The following CPXM2 variants were observed in gnomAD, a reference collection of about 807,000 sequenced individuals.
CPXM2 encodes the protein inactive carboxypeptidase-like protein X2.
A neutral mutation model predicts 86.1 loss-of-function variants in CPXM2; 66 were observed. The ratio of observed to expected loss-of-function variants is 0.77; its 90% CI spans 0.63 to 0.94. CPXM2 has a LOEUF of 0.94. Among genes scored for constraint, CPXM2 ranks in the 40% least tolerant of loss-of-function variants. The probability of loss-of-function intolerance (pLI) is 0.00; values close to 1 mark genes in which losing one functional copy is unlikely to be tolerated. For missense variants in CPXM2, 948 were observed against 1,026.3 expected, an observed-to-expected ratio of 0.92 and a Z score of 1.04; for synonymous variants, 388 against 400.2, an observed-to-expected ratio of 0.97 and a Z score of 0.36.
intron 6 of CPXM2, among the ~76,000 whole-genome samples, chr10:123,785,689 GA>G (rs1374110349): frequency 6.7e-6 from 1 of 148,602 alleles, no homozygotes; most frequent in Non-Finnish European, 1.5e-5. Flanking sequence ...CTGGAGTACA[GA>G]GGCGCGATCT....
chr10:123,758,543 A>T (rs1468947914), intron 11 of CPXM2, among the ~76,000 whole-genome samples: 1 of 152,172 alleles, frequency 6.6e-6, no homozygotes, highest in African/African-American at 2.4e-5. Flanking sequence ...ATATAATGAT[A>T]CCTGCCAAAA....
intron 12 of CPXM2, 31 bp downstream of exon 12, chr10:123,757,182 C>A: frequency 6.2e-7 from 1 of 1,605,982 alleles, no homozygotes; most frequent in Non-Finnish European, 8.5e-7. Flanking sequence ...CAGCTAGTCC[C>A]CCTCATCCCA....
intron 6 of CPXM2, among the ~76,000 whole-genome samples, chr10:123,789,741 C>T (rs1464845223): frequency 6.6e-6 from 1 of 152,172 alleles, no homozygotes; most frequent in Non-Finnish European, 1.5e-5. Flanking sequence ...ATTCCTGATG[C>T]AGTAGCCCCT....
chr10:123,837,376 T>G (rs948267261), intron 4 of CPXM2, among the ~76,000 whole-genome samples: 10 of 152,186 alleles, frequency 6.6e-5, no homozygotes, highest in Admixed American at 2.0e-4. Flanking sequence ...GCTGCCCCAC[T>G]TAAAAGACAA....
intron 10 of CPXM2, among the ~76,000 whole-genome samples, chr10:123,765,490 A>G (rs551128149): frequency 6.6e-6 from 1 of 152,360 alleles, no homozygotes; most frequent in East Asian, 1.9e-4. Flanking sequence ...CCAAATTCCA[A>G]TTTTGGTCTA....
chr10:123,799,110 C>T lies in CPXM2; in HGVS notation c.738+5G>A. On this transcript the variant is annotated splice_donor_5th_base_variant and intron_variant, in intron 5 of 13. Coordinates refer to ENST00000241305, the MANE Select transcript of CPXM2 (RefSeq NM_198148.3). ...AGGCATGGTTAAATGGAGGATGAGA[C>T]TCACCATGTCTCCAGATCCATTCTT... 1 of 1,614,024 alleles carries T rather than the reference C, an allele frequency of 6.2e-7. No homozygotes were observed. Among genetic ancestry groups the T allele is most frequent in the Non-Finnish European group, 8.5e-7 (1 of 1,180,012 alleles).
intron 7 of CPXM2, 99 bp from the exon 8 acceptor site, chr10:123,771,138 GC>G: frequency 8.9e-7 from 1 of 1,118,168 alleles, no homozygotes; most frequent in Non-Finnish European, 1.3e-6. Flanking sequence ...TTCCTCCACA[GC>G]CTCCCAAGCG....
chr10:123,893,188 G>A (rs905042054), upstream of CPXM2, among the ~76,000 whole-genome samples: 10 of 149,308 alleles, frequency 6.7e-5, no homozygotes, highest in African/African-American at 9.9e-5. Flanking sequence ...CATGGAGTGC[G>A]CTACAGGGAC....
At chr10:123,856,736 CG>C (rs35345206) in intron 3 of CPXM2, among the ~76,000 whole-genome samples, 22,448 of 152,036 alleles carry the variant, frequency 0.15, 1,760 homozygotes, top group Middle Eastern at 0.19. Flanking sequence ...GGATTACAGG[CG>C]TGTGCCACCA....
intron 6 of CPXM2, among the ~76,000 whole-genome samples, chr10:123,787,385 A>G (rs549162556): frequency 2.0e-5 from 3 of 151,812 alleles, no homozygotes; most frequent in African/African-American, 7.3e-5. Flanking sequence ...TCACTACATG[A>G]GACTTTTTTT....
intron 4 of CPXM2, among the ~76,000 whole-genome samples, chr10:123,803,627 C>CG (rs1181148759): frequency 6.6e-6 from 1 of 151,892 alleles, no homozygotes; most frequent in Non-Finnish European, 1.5e-5. Context: ...TATAGTGTGA[C>CG]GGGTCAAGAT....
At chr10:123,801,340 A>G (rs954171828) in intron 4 of CPXM2, among the ~76,000 whole-genome samples, 8 of 152,052 alleles carry the variant, frequency 5.3e-5, no homozygotes, top group Non-Finnish European at 1.2e-4. Context: ...CGTGATTGTG[A>G]GGCCTCCCCA....
At chr10:123,759,725 C>T (rs116847477) in intron 11 of CPXM2, among the ~76,000 whole-genome samples, 2,822 of 152,340 alleles carry the variant, frequency 0.019, 39 homozygotes, top group Non-Finnish European at 0.027. Context: ...AAGGCACAGC[C>T]GCATTCCTTA....
At chr10:123,901,429 T>TGTG (rs1945379896) in intron 2 of CPXM2, among the ~76,000 whole-genome samples, 4 of 139,040 alleles carry the variant, frequency 2.9e-5, no homozygotes, top group Admixed American at 7.1e-5. Context: ...CCAAGCAAGT[T>TGTG]TGTGTGTGTG....
chr10:123,747,565 A>C (rs1372078162), intron 13 of CPXM2, among the ~76,000 whole-genome samples: 1 of 152,142 alleles, frequency 6.6e-6, no homozygotes, highest in Non-Finnish European at 1.5e-5. Flanking sequence ...TGGGAGTTGC[A>C]GGGCCATCTA....
chr10:123,918,370 T>C (rs116790924), intron 2 of CPXM2, among the ~76,000 whole-genome samples: 3,953 of 152,296 alleles, frequency 0.026, 187 homozygotes, highest in African/African-American at 0.09. Flanking sequence ...CTTCTACTGG[T>C]TACAACTAAA....
intron 2 of CPXM2, among the ~76,000 whole-genome samples, chr10:123,905,953 A>G (rs1040328570): frequency 1.3e-5 from 2 of 152,258 alleles, no homozygotes; most frequent in South Asian, 4.1e-4. Flanking sequence ...CTCGGGTTCT[A>G]TGTGAACAGG....
chr10:123,856,757 A>G lies in CPXM2; in HGVS notation c.513+5857T>C, dbSNP rs1239471763. Among the ~76,000 whole-genome samples, 4 of 152,164 alleles carry G rather than the reference A, an allele frequency of 2.6e-5. No individual in the cohort carries two copies. In the East Asian group the frequency reaches 5.8e-4, roughly 22 times the overall value. On this transcript the variant is annotated intron_variant, in intron 3 of 13. Transcript: ENST00000241305. ...CAGGCGTGTGCCACCACGCCCGGCT[A>G]ATTTTTGTATGTTTAGTAGAGACGG...
intron 4 of CPXM2, among the ~76,000 whole-genome samples, chr10:123,817,916 T>C (rs12259108): frequency 0.34 from 51,103 of 152,118 alleles, 8,961 homozygotes; most frequent in East Asian, 0.49. Flanking sequence ...TTGAGCAGTG[T>C]ACCTGGTTGT....
Sources: gnomAD v4.1 joint callset for allele counts (sites outside exome capture counted in the v4.1 genomes callset) on GRCh38, gnomAD v4.1.1 for gene constraint, MANE v1.5 for transcripts, NCBI Gene and HGNC (gene_info 2026-07-23, HGNC 2026-07-21) for gene names.